AKAP12: variants seen among roughly 807,000 people sequenced by gnomAD.
AKAP12 encodes the protein A-kinase anchoring protein 12, also known as A-kinase anchor protein 12.
In AKAP12, 32 loss-of-function variants were observed where a neutral mutation model predicts 79.9. The observed-to-expected ratio is 0.40, with a 90% CI of 0.30 to 0.54. AKAP12 has a LOEUF of 0.54. Among genes scored for constraint, AKAP12 ranks in the 20% least tolerant of loss-of-function variants. AKAP12 has a pLI of 0.48. For missense variants in AKAP12, 2,074 were observed against 2,177.0 expected, an observed-to-expected ratio of 0.95 and a Z score of 0.94; for synonymous variants, 808 against 857.0, an observed-to-expected ratio of 0.94 and a Z score of 1.00.
intron 2 of AKAP12, among the ~76,000 whole-genome samples, chr6:151,250,617 T>C (rs1467256853): frequency 6.6e-6 from 1 of 151,674 alleles, no homozygotes; most frequent in Non-Finnish European, 1.5e-5. Context: ...TTTTCCTTTT[T>C]TTTTTTGAGA....
intron 2 of AKAP12, among the ~76,000 whole-genome samples, chr6:151,303,013 C>T (rs1014162072): frequency 3.3e-5 from 5 of 151,410 alleles, no homozygotes; most frequent in African/African-American, 7.3e-5. Flanking sequence ...CTGGCCAACA[C>T]GAAATCCCGT....
At chr6:151,250,327 G>T (rs535472763) in intron 2 of AKAP12, among the ~76,000 whole-genome samples, 7 of 149,518 alleles carry the variant, frequency 4.7e-5, no homozygotes, top group South Asian at 4.3e-4. Flanking sequence ...GTGAAACTCC[G>T]CTTTACTAAA....
At chr6:151,285,006 G>T (rs1432422557) in intron 2 of AKAP12, among the ~76,000 whole-genome samples, 3 of 152,220 alleles carry the variant, frequency 2.0e-5, no homozygotes, top group African/African-American at 4.8e-5. Context: ...GCAAGATGCA[G>T]TATGAGCATG....
At chr6:151,332,857 C>T (rs1029025454) in intron 3 of AKAP12, among the ~76,000 whole-genome samples, 1 of 152,212 alleles carries the variant, frequency 6.6e-6, no homozygotes, top group Non-Finnish European at 1.5e-5. Context: ...TCTGGCCGAA[C>T]CTCAGCACCA....
chr6:151,348,030 A>T (rs1370530284), intron 3 of AKAP12, among the ~76,000 whole-genome samples: 4 of 145,736 alleles, frequency 2.7e-5, no homozygotes, highest in African/African-American at 9.8e-5. Flanking sequence ...AAAAAAAAAA[A>T]TTAGCCTCCC....
At chr6:151,298,536 G>A (rs1188046804) in intron 2 of AKAP12, among the ~76,000 whole-genome samples, 2 of 152,194 alleles carry the variant, frequency 1.3e-5, no homozygotes, top group East Asian at 3.8e-4. Flanking sequence ...GCTCACACCT[G>A]TAATCCCAAC....
At chr6:151,305,650 C>T in intron 2 of AKAP12, 97 bp from the exon 3 acceptor site, 1 of 1,228,652 alleles carries the variant, frequency 8.1e-7, no homozygotes, top group Non-Finnish European at 1.1e-6. Context: ...CTCTGTATTT[C>T]TTCTTTCACT....
chr6:151,332,919 G>C (rs1777713919), intron 3 of AKAP12, among the ~76,000 whole-genome samples: 2 of 152,190 alleles, frequency 1.3e-5, no homozygotes, highest in South Asian at 4.1e-4. Flanking sequence ...AGAGACTTGG[G>C]CGGATAGCAG....
At chr6:151,334,836 G>A (rs1207037415) in intron 3 of AKAP12, among the ~76,000 whole-genome samples, 3 of 151,910 alleles carry the variant, frequency 2.0e-5, no homozygotes, top group Admixed American at 2.0e-4. Context: ...TGGTAGCCAG[G>A]ATGGTCTTGA....
chr6:151,345,607 G>C (rs1312017699), intron 3 of AKAP12, among the ~76,000 whole-genome samples: 1 of 150,518 alleles, frequency 6.6e-6, no homozygotes, highest in Non-Finnish European at 1.5e-5. Flanking sequence ...GACCAGCCTG[G>C]CCAACATGGT....
intron 2 of AKAP12, among the ~76,000 whole-genome samples, chr6:151,284,982 A>G (rs1776471958): frequency 6.6e-6 from 1 of 152,364 alleles, no homozygotes; most frequent in South Asian, 2.1e-4. Flanking sequence ...GGAGGTCAAC[A>G]AAGAGAATGA....
chr6:151,264,685 A>G (rs1418577140), intron 2 of AKAP12, among the ~76,000 whole-genome samples: 2 of 149,926 alleles, frequency 1.3e-5, no homozygotes, highest in Non-Finnish European at 3.0e-5. Context: ...AAAAAAAAAA[A>G]GAATTAAAGA....
chr6:151,337,669 T>C (rs1353745272), intron 3 of AKAP12, among the ~76,000 whole-genome samples: 1 of 152,224 alleles, frequency 6.6e-6, no homozygotes, highest in Non-Finnish European at 1.5e-5. Flanking sequence ...CTATATTTAC[T>C]TTCTTTTTGT....
At chr6:151,271,219 T>A (rs1180543465) in intron 2 of AKAP12, among the ~76,000 whole-genome samples, 1 of 152,156 alleles carries the variant, frequency 6.6e-6, no homozygotes, top group African/African-American at 2.4e-5. Context: ...TTAGAGTAAG[T>A]TTTAGATATC....
Position 151,349,386 on chromosome 6 carries a change from C to G in AKAP12, c.995C>G (p.Pro332Arg). ...EASEKKKEQEPEKVDTEEDGK... is the reference protein window; with the variant it reads ...EASEKKKEQEREKVDTEEDGK... ...TCAGAGAAGAAAAAGGAACAAGAGC[C>G]AGAAAAAGTAGACACAGAAGAAGAC... is the stretch of plus-strand genomic sequence containing the variant. Residue 332 changes from proline (P) to arginine (R), a missense_variant, in exon 4 of 5, where the codon CCA becomes CGA. This residue lies in a region of AKAP12 where 1,428 missense variants were observed against 1,451.0 expected (regional missense o/e 0.98). Coordinates refer to ENST00000402676, the MANE Select transcript of AKAP12 (RefSeq NM_005100.4). The G allele has an allele frequency of 1.2e-6, 2 of 1,613,644 alleles. No individual in the cohort carries two copies. The highest frequency in any genetic ancestry group is 1.3e-5 in the African/African-American group (1 of 74,916).
At chr6:151,301,149 C>T (rs576432634) in intron 2 of AKAP12, among the ~76,000 whole-genome samples, 1 of 152,272 alleles carries the variant, frequency 6.6e-6, no homozygotes, top group South Asian at 2.1e-4. Flanking sequence ...CTGGTTCCAC[C>T]GCCTCCTGTC....
intron 2 of AKAP12, among the ~76,000 whole-genome samples, chr6:151,305,080 T>A (rs1776949618): frequency 6.6e-6 from 1 of 152,170 alleles, no homozygotes; most frequent in African/African-American, 2.4e-5. Context: ...ATCCTTTTCT[T>A]ACACAGCCCT....
intron 3 of AKAP12, among the ~76,000 whole-genome samples, chr6:151,336,279 T>TG (rs772902846): frequency 7.2e-5 from 11 of 152,224 alleles, no homozygotes; most frequent in Non-Finnish European, 1.5e-4. Flanking sequence ...CTTGGGTAGA[T>TG]GCCAAATAAT....
At chr6:151,312,122 C>T (rs1042224027) in intron 3 of AKAP12, among the ~76,000 whole-genome samples, 1 of 152,164 alleles carries the variant, frequency 6.6e-6, no homozygotes, top group Non-Finnish European at 1.5e-5. Flanking sequence ...TTCTCTACAC[C>T]AGTTGTTAAC....
Sources: gnomAD v4.1 joint callset for allele counts (sites outside exome capture counted in the v4.1 genomes callset) on GRCh38, gnomAD v4.1.1 for gene constraint, gnomAD v4.1.1 regional missense constraint, MANE v1.5 for transcripts, NCBI Gene and HGNC (gene_info 2026-07-23, HGNC 2026-07-21) for gene names.